PHF24: variants seen among roughly 807,000 people sequenced by gnomAD.
PHF24 encodes the protein Galpha inhibitory interacting protein.
PHF24 carries 25 observed loss-of-function variants against 42.6 expected under a neutral mutation model. That is an observed-to-expected ratio of 0.59 (90% CI 0.43 to 0.82). The LOEUF is 0.82. Among genes scored for constraint, PHF24 ranks in the 40% least tolerant of loss-of-function variants. The pLI is 0.00. For missense variants in PHF24, 470 were observed against 538.1 expected (o/e 0.87, Z 1.25); for synonymous variants, 185 against 204.8 (o/e 0.90, Z 0.83).
At chr9:34,809,050 T>TAAATA in the PHF24 span, among the ~76,000 whole-genome samples, 71 of 117,358 alleles carry the variant, frequency 6.0e-4, no homozygotes, top group African/African-American at 2.4e-3. The surrounding 1 kb of genome is among the most constrained non-coding windows in gnomAD (Gnocchi z 4.1). Flanking sequence ...AAAAAAAAAA[T>TAAATA]AATAAATAAA....
chr9:34,699,403 G>A, the PHF24 span, among the ~76,000 whole-genome samples: 5 of 152,232 alleles, frequency 3.3e-5, no homozygotes, highest in Non-Finnish European at 5.9e-5. Flanking sequence ...TACATTTAGT[G>A]TACACTTTGC....
At chr9:34,950,202 G>A in the PHF24 span, among the ~76,000 whole-genome samples, 1 of 151,824 alleles carries the variant, frequency 6.6e-6, no homozygotes, top group Non-Finnish European at 1.5e-5. Context: ...ACAAAAATTA[G>A]CTGGGCATGG....
At chr9:34,736,019 A>C in the PHF24 span, among the ~76,000 whole-genome samples, 1 of 152,130 alleles carries the variant, frequency 6.6e-6, no homozygotes, top group South Asian at 2.1e-4. Context: ...TAGTAAGTAT[A>C]GTTACACAGA....
At chr9:34,772,458 G>T in the PHF24 span, among the ~76,000 whole-genome samples, 1 of 152,032 alleles carries the variant, frequency 6.6e-6, no homozygotes, top group Non-Finnish European at 1.5e-5. Context: ...CAGAGAGGAA[G>T]GTCGGACAAA....
the PHF24 span, among the ~76,000 whole-genome samples, chr9:34,668,871 T>A: frequency 8.1e-6 from 1 of 123,170 alleles, no homozygotes; most frequent in South Asian, 2.6e-4. Context: ...CAAATGTGTA[T>A]CTGATTGCTG....
chr9:34,964,408 A>G (rs767300113), intron 1 of PHF24, among the ~76,000 whole-genome samples: 1 of 152,238 alleles, frequency 6.6e-6, no homozygotes, highest in Non-Finnish European at 1.5e-5. Flanking sequence ...AAATTTTAAG[A>G]AGAGAAAATC....
chr9:34,702,733 C>T, the PHF24 span, among the ~76,000 whole-genome samples: 1 of 152,198 alleles, frequency 6.6e-6, no homozygotes, highest in Admixed American at 6.5e-5. Flanking sequence ...CCCCTTGAGG[C>T]CAAGAGTTGG....
the PHF24 span, chr9:34,709,287 G>A: frequency 3.8e-6 from 5 of 1,312,968 alleles, no homozygotes; most frequent in Non-Finnish European, 5.4e-6. Flanking sequence ...AGCATGGGGT[G>A]GCTGCTCCAG....
the PHF24 span, among the ~76,000 whole-genome samples, chr9:34,854,196 ATT>A: frequency 3.3e-4 from 35 of 106,690 alleles, 1 homozygote; most frequent in African/African-American, 1.1e-3. Context: ...CAGTCTATCT[ATT>A]TTTTTTTTTT....
At chr9:34,673,638 T>C in the PHF24 span, among the ~76,000 whole-genome samples, 8 of 151,026 alleles carry the variant, frequency 5.3e-5, no homozygotes, top group Non-Finnish European at 1.0e-4. Flanking sequence ...TTTTTTTTTT[T>C]TGAGACGGAG....
chr9:34,839,606 C>T, the PHF24 span, among the ~76,000 whole-genome samples: 2 of 152,102 alleles, frequency 1.3e-5, no homozygotes, highest in South Asian at 2.1e-4. Context: ...TTCTTGGGCT[C>T]GAAATCTTTG....
the PHF24 span, among the ~76,000 whole-genome samples, chr9:34,864,903 G>A: frequency 1.7e-4 from 26 of 152,106 alleles, no homozygotes; most frequent in African/African-American, 3.9e-4. Context: ...CAGGCCAGGC[G>A]CAGTGGCTCA....
chr9:34,788,552 A>T, the PHF24 span, among the ~76,000 whole-genome samples: 1 of 152,182 alleles, frequency 6.6e-6, no homozygotes, highest in African/African-American at 2.4e-5. Context: ...ATTTGTTCTT[A>T]AAAAGGCTGG....
the PHF24 span, among the ~76,000 whole-genome samples, chr9:34,902,181 ATT>A: frequency 0.035 from 5,406 of 152,304 alleles, 292 homozygotes; most frequent in African/African-American, 0.12. Flanking sequence ...AAATGATTAA[ATT>A]TTGTTTATAC....
the PHF24 span, among the ~76,000 whole-genome samples, chr9:34,718,002 ATT>A: frequency 2.0e-5 from 3 of 151,872 alleles, no homozygotes; most frequent in South Asian, 6.2e-4. Context: ...GACTGTGTGT[ATT>A]TGATTCTTCC....
the PHF24 span, among the ~76,000 whole-genome samples, chr9:34,900,581 AG>A: frequency 6.6e-6 from 1 of 152,314 alleles, no homozygotes; most frequent in South Asian, 2.1e-4. Context: ...CCTAGGTGAC[AG>A]AGTAAGACCA....
chr9:34,850,273 C>T, the PHF24 span, among the ~76,000 whole-genome samples: 1 of 152,114 alleles, frequency 6.6e-6, no homozygotes, highest in Admixed American at 6.6e-5. Context: ...TCACATAGTC[C>T]CATATTTCTT....
chr9:34,882,296 C>T, the PHF24 span, among the ~76,000 whole-genome samples: 1 of 152,182 alleles, frequency 6.6e-6, no homozygotes, highest in African/African-American at 2.4e-5. Context: ...CCTTTGAAAA[C>T]TGGCACAAGA....
At chr9:34,831,306 G>A in the PHF24 span, among the ~76,000 whole-genome samples, 1 of 152,152 alleles carries the variant, frequency 6.6e-6, no homozygotes. Context: ...AGCTGACTGG[G>A]TGCCCACCAT....
Sources: gnomAD v4.1 joint callset for allele counts (sites outside exome capture counted in the v4.1 genomes callset) on GRCh38, gnomAD v4.1.1 for gene constraint, Gnocchi (gnomAD v3.1) non-coding constraint, MANE v1.5 for transcripts, NCBI Gene and HGNC (gene_info 2026-07-23, HGNC 2026-07-21) for gene names.